Variants in LUZP2 observed in about 807,000 individuals in gnomAD.
The protein encoded by LUZP2 is leucine zipper protein 2.
LUZP2 carries 52 observed loss-of-function variants against 51.6 expected under a neutral mutation model. The ratio of observed to expected loss-of-function variants is 1.01; its 90% CI spans 0.81 to 1.27. The LOEUF (loss-of-function observed/expected upper bound fraction) is 1.27, where lower values mean the gene tolerates loss of function less well. LUZP2 is among the 50% of genes most tolerant of loss of function. LUZP2 has a pLI of 0.00. For missense variants in LUZP2, 436 were observed against 395.4 expected (o/e 1.10, Z -0.87); for synonymous variants, 154 against 137.3 (o/e 1.12, Z -0.85).
chr11:24,652,520 T>C (rs1331034083), intron 1 of LUZP2, among the ~76,000 whole-genome samples: 2 of 152,118 alleles, frequency 1.3e-5, no homozygotes, highest in African/African-American at 4.8e-5. Context: ...CGTGAAAATC[T>C]ATAGATAATA....
intron 7 of LUZP2, among the ~76,000 whole-genome samples, chr11:24,970,724 A>G (rs1855715878): frequency 6.6e-6 from 1 of 152,210 alleles, no homozygotes; most frequent in Admixed American, 6.5e-5. Flanking sequence ...GTTTGTGCAC[A>G]GAACACGCTA....
chr11:24,624,462 T>C (rs1036007536), intron 1 of LUZP2, among the ~76,000 whole-genome samples: 3 of 152,150 alleles, frequency 2.0e-5, no homozygotes, highest in African/African-American at 7.2e-5. Context: ...TTCAAGAGCA[T>C]ATTAAATTGA....
At chr11:24,921,112 C>T (rs1183459682) in intron 7 of LUZP2, among the ~76,000 whole-genome samples, 3 of 151,830 alleles carry the variant, frequency 2.0e-5, no homozygotes, top group East Asian at 1.9e-4. Context: ...ATAGGATTAA[C>T]GACAGGGACA....
At chr11:24,932,869 AC>A (rs1854495772) in intron 7 of LUZP2, among the ~76,000 whole-genome samples, 1 of 152,172 alleles carries the variant, frequency 6.6e-6, no homozygotes, top group Non-Finnish European at 1.5e-5. Flanking sequence ...GTTACAAAGT[AC>A]AGCTGGACGT....
chr11:24,746,612 G>C (rs1275462760), intron 4 of LUZP2, among the ~76,000 whole-genome samples: 2 of 152,106 alleles, frequency 1.3e-5, no homozygotes, highest in Non-Finnish European at 2.9e-5. Context: ...GCAAGGCTAT[G>C]GAAGTTTTCT....
chr11:24,676,900 C>T (rs577826162), intron 1 of LUZP2, among the ~76,000 whole-genome samples: 2 of 152,122 alleles, frequency 1.3e-5, no homozygotes, highest in Non-Finnish European at 2.9e-5. Context: ...CTCCTGAACT[C>T]AGGTGATCAG....
At chr11:24,510,309 G>T (rs1190169970) in intron 1 of LUZP2, among the ~76,000 whole-genome samples, 1 of 152,162 alleles carries the variant, frequency 6.6e-6, no homozygotes, top group Non-Finnish European at 1.5e-5. Flanking sequence ...TACCAGCCTG[G>T]CAGGACTAAA....
At chr11:24,886,399 C>G (rs571704423) in intron 5 of LUZP2, among the ~76,000 whole-genome samples, 21 of 152,226 alleles carry the variant, frequency 1.4e-4, no homozygotes, top group Non-Finnish European at 2.9e-4. Flanking sequence ...ATAATTGAAG[C>G]TCCTTCCATG....
intron 1 of LUZP2, among the ~76,000 whole-genome samples, chr11:24,616,977 G>A (rs1016763258): frequency 6.6e-6 from 1 of 152,126 alleles, no homozygotes; most frequent in Non-Finnish European, 1.5e-5. Flanking sequence ...TTCGGCTTTT[G>A]TTAGGTAAAA....
At chr11:24,992,537 A>G (rs1856380908) in intron 9 of LUZP2, among the ~76,000 whole-genome samples, 1 of 152,146 alleles carries the variant, frequency 6.6e-6, no homozygotes, top group Non-Finnish European at 1.5e-5. Flanking sequence ...GCTCACTAAC[A>G]TATACCAAAC....
chr11:24,639,682 C>A (rs1414352275), intron 1 of LUZP2, among the ~76,000 whole-genome samples: 1 of 151,832 alleles, frequency 6.6e-6, no homozygotes, highest in African/African-American at 2.4e-5. Context: ...AACTCACAAC[C>A]TCATCTGACC....
intron 1 of LUZP2, among the ~76,000 whole-genome samples, chr11:24,613,992 G>C (rs10500986): frequency 0.22 from 32,840 of 151,738 alleles, 4,283 homozygotes; most frequent in African/African-American, 0.36. Flanking sequence ...TTACATTTGT[G>C]GTAGGTTTCC....
At chr11:24,816,460 A>T (rs549794492) in intron 5 of LUZP2, among the ~76,000 whole-genome samples, 16 of 152,070 alleles carry the variant, frequency 1.1e-4, no homozygotes, top group Non-Finnish European at 2.1e-4. Context: ...GCTCAAGTGA[A>T]ATTTAGTGGC....
At chr11:24,868,894 T>C (rs1409515167) in intron 5 of LUZP2, among the ~76,000 whole-genome samples, 1 of 152,174 alleles carries the variant, frequency 6.6e-6, no homozygotes, top group Non-Finnish European at 1.5e-5. Context: ...TCAAAGCTTC[T>C]TCCTATATGT....
intron 9 of LUZP2, among the ~76,000 whole-genome samples, chr11:25,029,184 G>A (rs1459896053): frequency 6.6e-6 from 1 of 152,056 alleles, no homozygotes; most frequent in Non-Finnish European, 1.5e-5. Context: ...ACAAGAGGGT[G>A]ACTATACTCA....
chr11:24,964,860 C>T (rs919695338), intron 7 of LUZP2, among the ~76,000 whole-genome samples: 4 of 151,566 alleles, frequency 2.6e-5, no homozygotes, highest in Non-Finnish European at 4.4e-5. Flanking sequence ...ACTGAAATTT[C>T]TTGTTCTCAA....
At chr11:24,571,853 G>C (rs1314485940) in intron 1 of LUZP2, among the ~76,000 whole-genome samples, 1 of 151,956 alleles carries the variant, frequency 6.6e-6, no homozygotes, top group Non-Finnish European at 1.5e-5. Context: ...GGAAATTATA[G>C]CTTGTGATTA....
At chr11:24,885,623 A>G (rs561118447) in intron 5 of LUZP2, among the ~76,000 whole-genome samples, 4 of 152,170 alleles carry the variant, frequency 2.6e-5, no homozygotes, top group Non-Finnish European at 5.9e-5. Context: ...GTGTATTGAA[A>G]TGTGTTGCAA....
chr11:25,027,983 A>G (rs1374854394), intron 9 of LUZP2, among the ~76,000 whole-genome samples: 2 of 152,158 alleles, frequency 1.3e-5, no homozygotes, highest in African/African-American at 4.8e-5. Context: ...AGTATTTGAT[A>G]TAATATACTT....
Sources: gnomAD v4.1 joint callset for allele counts (sites outside exome capture counted in the v4.1 genomes callset) on GRCh38, gnomAD v4.1.1 for gene constraint, MANE v1.5 for transcripts, NCBI Gene and HGNC (gene_info 2026-07-23, HGNC 2026-07-21) for gene names.